The following WDR27 variants were observed in gnomAD, a reference collection of about 807,000 sequenced individuals.
WDR27 encodes WD repeat domain 27.
Under a neutral mutation model 114.4 loss-of-function variants are expected in WDR27, and 100 were observed. The ratio of observed to expected loss-of-function variants is 0.87; its 90% CI spans 0.74 to 1.03. The LOEUF is 1.03. WDR27 is among the 50% of genes least tolerant of loss of function. The pLI, the probability that WDR27 is intolerant of heterozygous loss-of-function variation, is 0.00. For synonymous variants in WDR27, 449 were observed against 423.1 expected, an observed-to-expected ratio of 1.06 and a Z score of -0.75; for missense variants, 1,129 against 1,092.9, an observed-to-expected ratio of 1.03 and a Z score of -0.47.
intron 25 of WDR27, among the ~76,000 whole-genome samples, chr6:169,510,903 C>T (rs1315399721): frequency 1.3e-5 from 2 of 152,060 alleles, no homozygotes; most frequent in African/African-American, 4.8e-5. Flanking sequence ...TGAATTCAAC[C>T]TAAGATTACA....
At chr6:169,510,770 T>G (rs1385475471) in intron 25 of WDR27, among the ~76,000 whole-genome samples, 2 of 152,020 alleles carry the variant, frequency 1.3e-5, no homozygotes, top group African/African-American at 2.4e-5. Flanking sequence ...ATCCTAAAAC[T>G]TAAAGTATAA....
chr6:169,452,284 G>T (rs1019007146), downstream of WDR27, among the ~76,000 whole-genome samples: 2 of 152,230 alleles, frequency 1.3e-5, no homozygotes, highest in Non-Finnish European at 2.9e-5. Context: ...TCCTCCCACA[G>T]CCTCTGGCGC....
At chr6:169,481,218 A>C (rs373406811) in intron 25 of WDR27, among the ~76,000 whole-genome samples, 21 of 152,174 alleles carry the variant, frequency 1.4e-4, no homozygotes, top group South Asian at 8.3e-4. Flanking sequence ...ATGTCTAGCC[A>C]GAGGATTGTA....
chr6:169,590,720 T>C (rs1436191646), intron 23 of WDR27, among the ~76,000 whole-genome samples: 1 of 152,242 alleles, frequency 6.6e-6, no homozygotes, highest in Non-Finnish European at 1.5e-5. Context: ...CCCTTTTCTC[T>C]GGCACTTCCT....
chr6:169,618,872 G>GT (rs1311374748), intron 21 of WDR27, among the ~76,000 whole-genome samples: 3 of 151,968 alleles, frequency 2.0e-5, no homozygotes, highest in Non-Finnish European at 4.4e-5. Context: ...TGTAAGATAA[G>GT]TTTTTTTAAA....
chr6:169,510,856 C>G (rs561824097), intron 25 of WDR27, among the ~76,000 whole-genome samples: 39 of 152,224 alleles, frequency 2.6e-4, no homozygotes, highest in Non-Finnish European at 4.1e-4. Flanking sequence ...TTATCAAACT[C>G]TAAATGACAA....
intron 21 of WDR27, among the ~76,000 whole-genome samples, chr6:169,616,672 C>A (rs946865515): frequency 6.6e-6 from 1 of 152,054 alleles, no homozygotes; most frequent in African/African-American, 2.4e-5. Flanking sequence ...AAATAGTCAG[C>A]AAAACCACAT....
intron 25 of WDR27, among the ~76,000 whole-genome samples, chr6:169,545,091 A>G (rs1797290820): frequency 1.3e-5 from 2 of 152,238 alleles, no homozygotes; most frequent in African/African-American, 2.4e-5. Context: ...TAAGCCCTAC[A>G]ATAGCTAAAA....
intron 25 of WDR27, among the ~76,000 whole-genome samples, chr6:169,551,734 T>A (rs1247554036): frequency 7.3e-5 from 4 of 54,528 alleles, no homozygotes; most frequent in African/African-American, 1.6e-4. Context: ...CGAGACTCCA[T>A]CTCAAAAAAA....
chr6:169,694,165 G>A (rs575678931), intron 1 of WDR27, among the ~76,000 whole-genome samples: 47 of 152,102 alleles, frequency 3.1e-4, no homozygotes, highest in Non-Finnish European at 4.1e-4. Context: ...AAAATTAGCC[G>A]GGCGTGGTGG....
At chr6:169,676,653 T>C (rs184955730) in intron 2 of WDR27, among the ~76,000 whole-genome samples, 40 of 152,314 alleles carry the variant, frequency 2.6e-4, no homozygotes, top group Admixed American at 2.3e-3. Context: ...TTGGGGACCT[T>C]GGTCTCCACG....
At chr6:169,497,665 T>C (rs1583787239) in intron 25 of WDR27, among the ~76,000 whole-genome samples, 2 of 152,052 alleles carry the variant, frequency 1.3e-5, no homozygotes, top group East Asian at 3.8e-4. Flanking sequence ...TCAACATCAC[T>C]AATCATTTGG....
chr6:169,485,144 T>C (rs764265896), intron 25 of WDR27, among the ~76,000 whole-genome samples: 4 of 152,054 alleles, frequency 2.6e-5, no homozygotes, highest in African/African-American at 4.8e-5. Context: ...CCAAAAGCAA[T>C]TGCAAAAAAG....
rs778407478 is a variant in WDR27, at chr6:169,659,191, G to A, written c.1214C>T (p.Ala405Val). ...GGCAATCTTCCCGCCAAAGAGGGAG[G>A]CCAGCAAGCACAGCACCTGCAGGGA... is the stretch of plus-strand genomic sequence containing the variant. ...TADQKVLCLLASLFGGKIAVL... is the reference protein window; with the variant it reads ...TADQKVLCLLVSLFGGKIAVL... The change falls in exon 12 of 26, where the codon GCC (alanine) becomes GTC (valine). Residue 405 changes from alanine to valine, a missense_variant. Coordinates refer to ENST00000448612, the MANE Select transcript of WDR27 (RefSeq NM_182552.5). This position sits in a 1 kb window ranked among gnomAD's most constrained non-coding sequence, Gnocchi z 4.3. 6.2e-7 allele frequency: 1 copy of A among 1,608,800 alleles called. No individual in the cohort carries two copies. The highest frequency in any genetic ancestry group is 2.2e-5 in the East Asian group (1 of 44,822).
chr6:169,453,018 C>T (rs1430379597), downstream of WDR27, among the ~76,000 whole-genome samples: 1 of 152,216 alleles, frequency 6.6e-6, no homozygotes, highest in Non-Finnish European at 1.5e-5. Flanking sequence ...CAAGGCTGGG[C>T]ACTGGCTTCA....
chr6:169,561,006 A>G (rs1799600708), intron 25 of WDR27, among the ~76,000 whole-genome samples: 1 of 152,198 alleles, frequency 6.6e-6, no homozygotes, highest in African/African-American at 2.4e-5. Context: ...GTTTAAACAA[A>G]ATTGATAATG....
At chr6:169,595,255 T>C (rs1231083939) in intron 23 of WDR27, among the ~76,000 whole-genome samples, 1 of 152,248 alleles carries the variant, frequency 6.6e-6, no homozygotes, top group Non-Finnish European at 1.5e-5. Context: ...TTCTATTTAA[T>C]GTATGGCAGT....
At chr6:169,639,284 C>T (rs886255133) in intron 17 of WDR27, among the ~76,000 whole-genome samples, 9 of 152,062 alleles carry the variant, frequency 5.9e-5, no homozygotes, top group Non-Finnish European at 7.4e-5. Context: ...GTGAACGCCT[C>T]GGCCCGGCAG....
chr6:169,579,055 C>T (rs1231776304), intron 24 of WDR27, among the ~76,000 whole-genome samples: 2 of 152,152 alleles, frequency 1.3e-5, no homozygotes, highest in Admixed American at 6.5e-5. Context: ...TTGCAAAGAC[C>T]GTCGCAGGCT....
Sources: allele counts gnomAD v4.1 joint callset (sites outside exome capture counted in the v4.1 genomes callset), GRCh38; gene constraint gnomAD v4.1.1; non-coding constraint Gnocchi (gnomAD v3.1); transcripts MANE v1.5; gene names NCBI Gene and HGNC (gene_info 2026-07-23, HGNC 2026-07-21).